ASIC2: variants seen among roughly 807,000 people sequenced by gnomAD.
ASIC2 encodes acid-sensing ion channel 2.
ASIC2 carries 25 observed loss-of-function variants against 57.3 expected under a neutral mutation model. The ratio of observed to expected loss-of-function variants is 0.44; its 90% CI spans 0.32 to 0.61. The LOEUF (loss-of-function observed/expected upper bound fraction) is 0.61, where lower values mean the gene tolerates loss of function less well. ASIC2 is among the 20% of genes least tolerant of loss of function. The pLI is 0.06. For missense variants in ASIC2, 641 were observed against 738.1 expected (o/e 0.87, Z 1.52); for synonymous variants, 319 against 307.5 (o/e 1.04, Z -0.39).
At chr17:33,816,677 A>G (rs1488836667) in intron 1 of ASIC2, 2 of 152,168 alleles carry the variant, frequency 1.3e-5, no homozygotes, top group Non-Finnish European at 2.9e-5. Context: ...AAGGGAGGGT[A>G]GTCCTTGTCC....
intron 1 of ASIC2, among the ~76,000 whole-genome samples, chr17:33,161,875 T>G (rs1462440508): frequency 1.8e-5 from 2 of 111,532 alleles, no homozygotes; most frequent in East Asian, 3.1e-4. Context: ...TTTTTTTTTT[T>G]TTTTTTTTTT....
intron 1 of ASIC2, among the ~76,000 whole-genome samples, chr17:34,113,038 GT>G (rs1156476111): frequency 6.6e-6 from 1 of 152,134 alleles, no homozygotes; most frequent in East Asian, 1.9e-4. Context: ...GCACTGATGG[GT>G]TTCAAGTAAC....
chr17:33,532,087 G>T (rs1915069899), intron 1 of ASIC2, among the ~76,000 whole-genome samples: 1 of 152,200 alleles, frequency 6.6e-6, no homozygotes. Flanking sequence ...GTCTGTGGCT[G>T]GATGCAGTGA....
intron 1 of ASIC2, among the ~76,000 whole-genome samples, chr17:33,613,247 T>G (rs1905471923): frequency 6.6e-6 from 1 of 152,104 alleles, no homozygotes; most frequent in African/African-American, 2.4e-5. Context: ...ATAAAATAGA[T>G]ATACAAAAGG....
chr17:33,037,643 TG>T (rs1250069395), intron 3 of ASIC2, among the ~76,000 whole-genome samples: 1 of 152,186 alleles, frequency 6.6e-6, no homozygotes, highest in Non-Finnish European at 1.5e-5. Context: ...TCTGAAGAAC[TG>T]TCTCAGGGAA....
chr17:33,345,331 C>G (rs1907900673), intron 1 of ASIC2, among the ~76,000 whole-genome samples: 1 of 152,152 alleles, frequency 6.6e-6, no homozygotes, highest in Non-Finnish European at 1.5e-5. Flanking sequence ...TGAGAAAGTA[C>G]CGATGGGCAA....
intron 1 of ASIC2, among the ~76,000 whole-genome samples, chr17:33,126,411 T>G (rs942469742): frequency 6.6e-6 from 1 of 152,200 alleles, no homozygotes; most frequent in Non-Finnish European, 1.5e-5. Context: ...CTCTACTTTT[T>G]CATGTGTCGA....
intron 1 of ASIC2, among the ~76,000 whole-genome samples, chr17:34,091,638 G>C (rs1430383684): frequency 1.3e-5 from 2 of 152,222 alleles, no homozygotes; most frequent in African/African-American, 4.8e-5. Context: ...TTCTCAAGTG[G>C]AAAGCACTTG....
At chr17:34,034,335 T>G (rs539502616) in intron 1 of ASIC2, among the ~76,000 whole-genome samples, 13 of 152,266 alleles carry the variant, frequency 8.5e-5, no homozygotes, top group East Asian at 5.8e-4. Flanking sequence ...AAACTCTCAA[T>G]AAATTAGGTA....
At chr17:34,069,220 T>C (rs1315684470) in intron 1 of ASIC2, 1 of 141,778 alleles carries the variant, frequency 7.1e-6, no homozygotes, top group Admixed American at 7.0e-5. Context: ...CTCTCTTCCT[T>C]TCCCTCCTTT....
intron 1 of ASIC2, among the ~76,000 whole-genome samples, chr17:33,928,383 CTG>C (rs1915866539): frequency 6.6e-6 from 1 of 152,100 alleles, no homozygotes; most frequent in African/African-American, 2.4e-5. Context: ...CTGACCAGAA[CTG>C]TGCAGCTCTG....
chr17:33,127,276 C>T (rs2092327674), intron 1 of ASIC2, among the ~76,000 whole-genome samples: 1 of 152,164 alleles, frequency 6.6e-6, no homozygotes, highest in Non-Finnish European at 1.5e-5. Flanking sequence ...CGTGGGATCT[C>T]GACCCTGGTC....
chr17:33,039,973 G>A (rs1426471042), intron 3 of ASIC2, among the ~76,000 whole-genome samples: 1 of 152,178 alleles, frequency 6.6e-6, no homozygotes, highest in Non-Finnish European at 1.5e-5. Flanking sequence ...TTCCCACAGA[G>A]TCTCACTATA....
intron 1 of ASIC2, among the ~76,000 whole-genome samples, chr17:33,286,604 T>TCTTGCAATGGACTCCTGTCCTCTCACC (rs1905206982): frequency 6.6e-6 from 1 of 152,222 alleles, no homozygotes; most frequent in Admixed American, 6.5e-5. Context: ...GTCTCTGAAC[T>TCTTGCAATGGACTCCTGTCCTCTCACC]CTTGCAATGG....
intron 1 of ASIC2, among the ~76,000 whole-genome samples, chr17:33,746,357 TATATATGTAGATATACATGTATATCTAC>T (rs1431840496): frequency 6.7e-6 from 1 of 148,814 alleles, no homozygotes; most frequent in African/African-American, 2.5e-5. Flanking sequence ...TGTATCTACC[TATATATGTAGATATACATGTATATCTAC>T]ATATATAGGT....
intron 1 of ASIC2, among the ~76,000 whole-genome samples, chr17:33,889,990 G>T (rs1054370824): frequency 6.6e-6 from 1 of 152,074 alleles, no homozygotes; most frequent in Non-Finnish European, 1.5e-5. Flanking sequence ...CTTAGTCCAG[G>T]GTGAGGCCAT....
intron 1 of ASIC2, among the ~76,000 whole-genome samples, chr17:33,543,196 T>G (rs1915475102): frequency 1.4e-5 from 2 of 147,740 alleles, no homozygotes; most frequent in African/African-American, 5.1e-5. Context: ...AGATGACGAG[T>G]TAGTGGGTGC....
At chr17:33,223,243 C>T (rs1350584948) in intron 1 of ASIC2, among the ~76,000 whole-genome samples, 1 of 151,644 alleles carries the variant, frequency 6.6e-6, no homozygotes. Context: ...AGTACAGTGG[C>T]GTGATCTCGG....
intron 1 of ASIC2, among the ~76,000 whole-genome samples, chr17:33,541,013 C>G (rs1186435768): frequency 6.6e-6 from 1 of 152,070 alleles, no homozygotes; most frequent in East Asian, 1.9e-4. Flanking sequence ...TTCGCCCAGA[C>G]TCCTGTGTCT....
Sources: gnomAD v4.1 joint callset for allele counts (sites outside exome capture counted in the v4.1 genomes callset) on GRCh38, gnomAD v4.1.1 for gene constraint, MANE v1.5 for transcripts, NCBI Gene and HGNC (gene_info 2026-07-23, HGNC 2026-07-21) for gene names.